Variants in ADAMTS6 observed in about 807,000 individuals in gnomAD.
The protein encoded by ADAMTS6 is ADAM metallopeptidase with thrombospondin type 1 motif 6.
A neutral mutation model predicts 144.3 loss-of-function variants in ADAMTS6; 23 were observed. That is an observed-to-expected ratio of 0.16 (90% CI 0.11 to 0.23). The LOEUF (loss-of-function observed/expected upper bound fraction) is 0.23. Among genes scored for constraint, ADAMTS6 ranks in the 10% least tolerant of loss-of-function variants. The pLI is 1.00. For synonymous variants in ADAMTS6, 444 were observed against 457.5 expected, an observed-to-expected ratio of 0.97 and a Z score of 0.38; for missense variants, 999 against 1,379.6, an observed-to-expected ratio of 0.72 and a Z score of 4.37.
At chr5:65,393,268 T>C (rs1340108549) in intron 7 of ADAMTS6, among the ~76,000 whole-genome samples, 1 of 152,202 alleles carries the variant, frequency 6.6e-6, no homozygotes, top group African/African-American at 2.4e-5. Context: ...AAAATGTCAT[T>C]GCAAACTCCT....
intron 14 of ADAMTS6, among the ~76,000 whole-genome samples, chr5:65,250,514 A>G (rs570363531): frequency 6.6e-6 from 1 of 152,336 alleles, no homozygotes; most frequent in South Asian, 2.1e-4. Flanking sequence ...CTGAGAACAC[A>G]CCCAAGTACT....
At chr5:65,217,759 A>T (rs1757033825) in intron 18 of ADAMTS6, among the ~76,000 whole-genome samples, 1 of 152,198 alleles carries the variant, frequency 6.6e-6, no homozygotes, top group African/African-American at 2.4e-5. Flanking sequence ...ATAAAAACTC[A>T]TTTAGGTCTC....
At chr5:65,229,306 T>C (rs1757960422) in intron 15 of ADAMTS6, among the ~76,000 whole-genome samples, 1 of 152,100 alleles carries the variant, frequency 6.6e-6, no homozygotes, top group Admixed American at 6.6e-5. Context: ...AACTGGGCTG[T>C]TTGGTAAAGA....
At position 65,204,064 on chromosome 5, in the gene ADAMTS6, A is replaced by T. The variant is rs1755918101; in HGVS notation, c.2576-6913T>A. Among the ~76,000 whole-genome samples the T allele has an allele frequency of 3.9e-5, 6 of 152,340 alleles. No homozygotes were observed. In the South Asian group the frequency reaches 1.0e-3, roughly 26 times the overall value. On this transcript the variant is annotated intron_variant, in intron 20 of 24. Coordinates refer to ENST00000381055, the MANE Select transcript of ADAMTS6 (RefSeq NM_197941.4). ...GAAATGATGAAACAGTACTAGGAGA[A>T]TATTTTGGCTTAGCAGAGATTTCTT... is the stretch of plus-strand genomic sequence containing the variant.
At chr5:65,293,412 T>C (rs1245796503) in intron 10 of ADAMTS6, among the ~76,000 whole-genome samples, 1 of 152,136 alleles carries the variant, frequency 6.6e-6, no homozygotes, top group Non-Finnish European at 1.5e-5. Flanking sequence ...GCAGGATATA[T>C]TCACCTAAGT....
chr5:65,244,274 T>C (rs1183625673), intron 14 of ADAMTS6, among the ~76,000 whole-genome samples: 1 of 151,796 alleles, frequency 6.6e-6, no homozygotes, highest in Non-Finnish European at 1.5e-5. Flanking sequence ...AGAGATGAAC[T>C]ATATAGAAGC....
At chr5:65,397,347 TCTG>T (rs767602902) in intron 7 of ADAMTS6, among the ~76,000 whole-genome samples, 2 of 152,174 alleles carry the variant, frequency 1.3e-5, no homozygotes, top group African/African-American at 2.4e-5. Context: ...TTCATTTTCT[TCTG>T]CTTACTTTGA....
rs1024817053 is a variant in ADAMTS6 at position 65,223,307 on chromosome 5, T to C, written c.2272+1013A>G. Among the ~76,000 whole-genome samples, 5 of 152,196 alleles carry C rather than the reference T, an allele frequency of 3.3e-5. No homozygotes were observed. In the East Asian group the frequency reaches 9.6e-4, roughly 29 times the overall value. On this transcript the variant is annotated intron_variant, in intron 18 of 24. Coordinates refer to ENST00000381055, the MANE Select transcript of ADAMTS6 (RefSeq NM_197941.4). ...TACCACAATCAAGCTAATTTACATA[T>C]CCATAACTTCCTACAGTTGCCTTTT...
intron 7 of ADAMTS6, among the ~76,000 whole-genome samples, chr5:65,353,656 ATATT>A (rs1349951757): frequency 6.6e-6 from 1 of 152,004 alleles, no homozygotes; most frequent in Non-Finnish European, 1.5e-5. Context: ...CAAATTCTAT[ATATT>A]TATATATTAA....
intron 3 of ADAMTS6, among the ~76,000 whole-genome samples, chr5:65,462,973 G>A (rs754326090): frequency 1.3e-4 from 20 of 151,886 alleles, no homozygotes; most frequent in Admixed American, 2.0e-4. Flanking sequence ...CCAGCTACTC[G>A]GGAGGCTGAG....
intron 7 of ADAMTS6, among the ~76,000 whole-genome samples, chr5:65,449,380 G>A (rs541753330): frequency 2.0e-5 from 3 of 152,288 alleles, no homozygotes; most frequent in Admixed American, 2.0e-4. Flanking sequence ...ACTTTGGGAG[G>A]CCGAGGTGGG....
At chr5:65,291,712 A>AC (rs1408232744) in intron 10 of ADAMTS6, among the ~76,000 whole-genome samples, 2 of 152,166 alleles carry the variant, frequency 1.3e-5, no homozygotes, top group Admixed American at 6.5e-5. Flanking sequence ...TGAAAATGTC[A>AC]CGTTGGCCTT....
chr5:65,262,549 T>C (rs1440051762), intron 13 of ADAMTS6, among the ~76,000 whole-genome samples: 3 of 152,156 alleles, frequency 2.0e-5, no homozygotes, highest in Non-Finnish European at 2.9e-5. Flanking sequence ...ATCTGATTAT[T>C]ATTAGATTAA....
chr5:65,224,462 C>T, intron 17 of ADAMTS6, 62 bp from the exon 18 acceptor site: 2 of 1,335,960 alleles, frequency 1.5e-6, no homozygotes, highest in African/African-American at 1.4e-5. Flanking sequence ...ATTTGGTAAC[C>T]ATTCAATAGT....
intron 7 of ADAMTS6, among the ~76,000 whole-genome samples, chr5:65,440,463 G>T (rs538780944): frequency 1.3e-5 from 2 of 152,288 alleles, no homozygotes; most frequent in East Asian, 3.9e-4. Context: ...GTAGAGCCCA[G>T]TGGACTCTCT....
rs568676883 is a variant in ADAMTS6 at position 65,472,378 on chromosome 5, G to A, written c.97+1199C>T. ...ATTGATTATGTTGGCGATGACACTAGTGCCAAAAAATAAGATGAAATAAAA... is the reference window on the plus strand; with the variant it reads ...ATTGATTATGTTGGCGATGACACTAATGCCAAAAAATAAGATGAAATAAAA... On this transcript the variant is annotated intron_variant, in intron 2 of 24. Transcript: ENST00000381055. Among the ~76,000 whole-genome samples, 3 of 152,164 alleles carry A rather than the reference G, an allele frequency of 2.0e-5. No individual in the cohort carries two copies. In the South Asian group the frequency reaches 6.2e-4, roughly 32 times the overall value.
chr5:65,333,702 T>C (rs1269872897), intron 8 of ADAMTS6, among the ~76,000 whole-genome samples: 1 of 151,548 alleles, frequency 6.6e-6, no homozygotes, highest in Non-Finnish European at 1.5e-5. Context: ...GAAAATACAT[T>C]ACAGAGATAG....
chr5:65,340,971 T>G (rs1324698386), intron 7 of ADAMTS6, among the ~76,000 whole-genome samples: 2 of 151,908 alleles, frequency 1.3e-5, no homozygotes, highest in Non-Finnish European at 2.9e-5. Context: ...AAGAGAGAGA[T>G]AGGCTGCAAT....
chr5:65,162,236 T>G (rs1752821335), intron 24 of ADAMTS6, among the ~76,000 whole-genome samples: 1 of 152,192 alleles, frequency 6.6e-6, no homozygotes. Flanking sequence ...TTTGGAGAAA[T>G]TATTAAAATT....
Sources: allele counts gnomAD v4.1 joint callset (sites outside exome capture counted in the v4.1 genomes callset), GRCh38; gene constraint gnomAD v4.1.1; transcripts MANE v1.5; gene names NCBI Gene and HGNC (gene_info 2026-07-23, HGNC 2026-07-21).